DCHS1: variants seen among roughly 807,000 people sequenced by gnomAD.
DCHS1 encodes the protein dachsous cadherin-related 1.
In DCHS1, 78 loss-of-function variants were observed where a neutral mutation model predicts 213.9. The ratio of observed to expected loss-of-function variants is 0.36; its 90% CI spans 0.30 to 0.44. The LOEUF (loss-of-function observed/expected upper bound fraction) is 0.44. Among genes scored for constraint, DCHS1 ranks in the 20% least tolerant of loss-of-function variants. The pLI is 1.00. For missense variants in DCHS1, 3,946 were observed against 4,395.9 expected (o/e 0.90, Z 2.89); for synonymous variants, 1,828 against 1,873.7 (o/e 0.98, Z 0.63).
At chr11:6,624,661 T>C (rs1367843900) in intron 20 of DCHS1, 69 bp downstream of exon 20, 1 of 1,598,098 alleles carries the variant, frequency 6.3e-7, no homozygotes, top group Non-Finnish European at 8.5e-7. Flanking sequence ...AGTAACAAAT[T>C]CAAGGAATGA....
Position 6,634,226 on chromosome 11 carries a change from A to T in DCHS1, c.1878T>A (p.Ser626=). 6.2e-7 allele frequency: 1 copy of T among 1,613,870 alleles called. No individual in the cohort carries two copies. Among genetic ancestry groups the T allele is most frequent in the Non-Finnish European group, 8.5e-7 (1 of 1,179,822 alleles). ...TGTGGGCATCAATGCGGAATGGGGG[A>T]GATCCGGAGGACCCAAGTCCAGCAC... ...SLGAGLGSSG[S]PPFRIDAHSG... The change falls in exon 3 of 21, where the codon TCT becomes TCA. Residue 626 remains serine (S), a synonymous_variant. Transcript: ENST00000299441.
chr11:6,655,083 G>A (rs1002079953), intron 1 of DCHS1, among the ~76,000 whole-genome samples: 1 of 151,968 alleles, frequency 6.6e-6, no homozygotes, highest in Non-Finnish European at 1.5e-5. Context: ...GTCTCAGTTG[G>A]TCTCTGTCAC....
intron 2 of DCHS1, among the ~76,000 whole-genome samples, chr11:6,636,459 C>T (rs1855987083): frequency 6.6e-6 from 1 of 152,292 alleles, no homozygotes; most frequent in East Asian, 1.9e-4. Flanking sequence ...GTCCTTCCAC[C>T]TTGGCCTCCC....
intron 2 of DCHS1, among the ~76,000 whole-genome samples, chr11:6,639,369 A>T (rs183280185): frequency 1.3e-5 from 2 of 152,248 alleles, no homozygotes; most frequent in East Asian, 3.9e-4. Context: ...TCTGAGACCA[A>T]ATGGCCTATT....
At chr11:6,636,400 G>A (rs896017483) in intron 2 of DCHS1, among the ~76,000 whole-genome samples, 8 of 151,956 alleles carry the variant, frequency 5.3e-5, no homozygotes, top group African/African-American at 1.9e-4. Flanking sequence ...TGCATAGACA[G>A]TGTTTCACTA....
At chr11:6,643,700 A>C (rs1454017613) in intron 1 of DCHS1, among the ~76,000 whole-genome samples, 1 of 152,136 alleles carries the variant, frequency 6.6e-6, no homozygotes, top group African/African-American at 2.4e-5. Context: ...CTTCAGTTCA[A>C]AGGTATCAAT....
In DCHS1 at chr11:6,624,395, G is replaced by C. The variant is rs1343133236; in HGVS notation, c.7286-5C>G. On this transcript the variant is annotated splice_region_variant and splice_polypyrimidine_tract_variant and intron_variant, in intron 20 of 20. Coordinates refer to ENST00000299441, the MANE Select transcript of DCHS1 (RefSeq NM_003737.4). ...CCACTATTGTGAACAGGGTCCCTGA[G>C]ATGAGAACGGAAGGGAAAGAAATAT... The C allele has an allele frequency of 6.5e-7, 1 of 1,544,388 alleles. No homozygotes were observed. Among genetic ancestry groups the C allele is most frequent in the East Asian group, 2.4e-5 (1 of 41,340 alleles).
chr11:6,640,351 G>A lies in DCHS1; in HGVS notation c.1263C>T (p.Ile421=). Residue 421 remains isoleucine, a synonymous_variant, in exon 2 of 21, where the codon ATC becomes ATT. Transcript: ENST00000299441. The surrounding 1 kb of genome is among the most constrained non-coding windows in gnomAD (Gnocchi z 6.5). The part of the protein sequence containing the change: ...HFALSTQDSV[I]YLVCVARRLD... ...GCCGCCGAGCCACACACACCAGATA[G>A]ATGACGCTGTCTTGGGTGCTTAGGG... The A allele has an allele frequency of 6.2e-7, 1 of 1,612,908 alleles. No individual in the cohort carries two copies. Among genetic ancestry groups the A allele is most frequent in the Non-Finnish European group, 8.5e-7 (1 of 1,179,396 alleles).
intron 1 of DCHS1, among the ~76,000 whole-genome samples, chr11:6,653,375 T>G (rs919132949): frequency 2.0e-5 from 3 of 152,236 alleles, no homozygotes; most frequent in Admixed American, 2.0e-4. Flanking sequence ...TGTGTGCTGC[T>G]GTGTTACAAC....
rs982385353 is a variant in DCHS1, at chr11:6,640,474, T to C, written c.1140A>G (p.Pro380=). 2.6e-5 allele frequency: 42 copies of C among 1,613,462 alleles called. No individual in the cohort carries two copies. Among genetic ancestry groups the C allele is most frequent in the Non-Finnish European group, 3.1e-5 (36 of 1,179,878 alleles). Residue 380 remains proline (P), a synonymous_variant, in exon 2 of 21, where the codon CCA becomes CCG. Transcript: ENST00000299441. The surrounding 1 kb of genome is among the most constrained non-coding windows in gnomAD (Gnocchi z 6.5). The part of the protein sequence containing the change: ...DGSPQVSEAA[P]PGQLVARISV... ...AGATGCGAGCAACGAGCTGTCCAGG[T>C]GGGGCGGCCTCAGACACTTGGGGGG...
At position 6,631,143 on chromosome 11, in the gene DCHS1, G is replaced by T. The variant is rs766431564; in HGVS notation, c.3840C>A (p.Ile1280=). The change falls in exon 9 of 21, where the codon ATC becomes ATA. Residue 1280 remains isoleucine (I), a synonymous_variant. Coordinates refer to ENST00000299441, the MANE Select transcript of DCHS1 (RefSeq NM_003737.4). ...SGELLTAAPL[I]RAERPHYVLT... ...GCACATAGTGGGGCCGCTCTGCTCG[G>T]ATCAGGGGAGCTGCAGTGAGCAGCT... The T allele has an allele frequency of 1.2e-6, 2 of 1,613,034 alleles. No homozygotes were observed. The highest frequency in any genetic ancestry group is 1.7e-5 in the Admixed American group (1 of 59,928).
At position 6,627,062 on chromosome 11, in the gene DCHS1, C is replaced by A. The variant is rs759423058; in HGVS notation, c.5977G>T (p.Ala1993Ser). Reference protein sequence around the residue: ...LATLRAEDRDAGANASILYRL... With the variant: ...LATLRAEDRDSGANASILYRL... The stretch of plus-strand genomic sequence containing the variant: ...TACAGAATGGAAGCATTGGCACCAG[C>A]ATCACGATCTTCAGCTCTCAGTGTG... The change falls in exon 14 of 21, where the codon GCT becomes TCT. Residue 1993 changes from alanine to serine, a missense_variant. Transcript: ENST00000299441. The surrounding 1 kb of genome is among the most constrained non-coding windows in gnomAD (Gnocchi z 5.4). The A allele has an allele frequency of 6.2e-7, 1 of 1,613,566 alleles. No individual in the cohort carries two copies. Among genetic ancestry groups the A allele is most frequent in the Non-Finnish European group, 8.5e-7 (1 of 1,179,796 alleles).
Position 6,632,476 on chromosome 11 carries a change from G to T in DCHS1, c.3036C>A (p.Gly1012=). The T allele has an allele frequency of 6.3e-7, 1 of 1,587,748 alleles. No individual in the cohort carries two copies. The highest frequency in any genetic ancestry group is 8.6e-7 in the Non-Finnish European group (1 of 1,164,758). Residue 1012 remains glycine (G), a synonymous_variant, in exon 6 of 21, where the codon GGC becomes GGA. Transcript: ENST00000299441. This position sits in a 1 kb window ranked among gnomAD's most constrained non-coding sequence, Gnocchi z 5.9. ...SPTYRVDLPS[G]TTAGTQVLQV... Reference sequence around the variant, plus strand: ...GCAGGACCTGAGTTCCAGCAGTGGTGCCTGAGGGCAGGTCCACACGGTAGG... The same window carrying T: ...GCAGGACCTGAGTTCCAGCAGTGGTTCCTGAGGGCAGGTCCACACGGTAGG...
intron 4 of DCHS1, 23 bp downstream of exon 4, chr11:6,633,766 C>T: frequency 3.7e-6 from 6 of 1,607,956 alleles, no homozygotes; most frequent in Non-Finnish European, 5.1e-6. Context: ...GGGGGAAGGC[C>T]CCGGGAATGG....
chr11:6,644,099 A>G (rs1347532298), intron 1 of DCHS1, among the ~76,000 whole-genome samples: 1 of 152,146 alleles, frequency 6.6e-6, no homozygotes, highest in East Asian at 1.9e-4. Context: ...CTTCTGATCC[A>G]TCTCCACCTG....
At position 6,622,860 on chromosome 11, in the gene DCHS1, CCTA is replaced by C. The variant is rs1259492857; in HGVS notation, c.8813_8815del (p.Val2938del). 4.4e-6 allele frequency: 7 copies of C among 1,596,482 alleles called. No individual in the cohort carries two copies. The highest frequency in any genetic ancestry group is 1.1e-5 in the South Asian group (1 of 88,002). On this transcript the variant is annotated inframe_deletion, in exon 21 of 21. Coordinates refer to ENST00000299441, the MANE Select transcript of DCHS1 (RefSeq NM_003737.4). This position sits in a 1 kb window ranked among gnomAD's most constrained non-coding sequence, Gnocchi z 5.4. ...AACTCCCAAGGAGGCTGCCACGGCC[CCTA>C]CTAATAGCAGGTTGAGGTCAGGTGC...
In DCHS1 at chr11:6,627,784, G is replaced by C. The variant is rs1855836242; in HGVS notation, c.5372-117C>G. ...AAGCAAGTGAACCTTATGAGAGAAA[G>C]GAAGAAAAACAGAAACAGAAAGTAA... On this transcript the variant is annotated intron_variant, in intron 13 of 20. Transcript: ENST00000299441. The surrounding 1 kb of genome is among the most constrained non-coding windows in gnomAD (Gnocchi z 5.4). 8.6e-7 allele frequency: 1 copy of C among 1,165,710 alleles called. No individual in the cohort carries two copies. The highest frequency in any genetic ancestry group is 2.8e-5 in the Admixed American group (1 of 35,590). 72.2% of individuals were successfully genotyped at this position (1,165,710 alleles called of 1,614,324 possible).
intron 1 of DCHS1, among the ~76,000 whole-genome samples, chr11:6,652,142 A>G (rs946000649): frequency 7.2e-5 from 11 of 152,244 alleles, no homozygotes; most frequent in Non-Finnish European, 1.3e-4. Flanking sequence ...CAGAAGAGAT[A>G]CATACCATAA....
At chr11:6,637,044 A>C (rs771478050) in intron 2 of DCHS1, among the ~76,000 whole-genome samples, 3 of 152,196 alleles carry the variant, frequency 2.0e-5, no homozygotes, top group Non-Finnish European at 4.4e-5. Flanking sequence ...TGGTATATCA[A>C]TCAACCAGGG....
Sources: gnomAD v4.1 joint callset for allele counts (sites outside exome capture counted in the v4.1 genomes callset) on GRCh38, gnomAD v4.1.1 for gene constraint, Gnocchi (gnomAD v3.1) non-coding constraint, MANE v1.5 for transcripts, NCBI Gene and HGNC (gene_info 2026-07-23, HGNC 2026-07-21) for gene names.